The following MYO1E variants were observed in gnomAD, a reference collection of about 807,000 sequenced individuals.
MYO1E encodes the protein myosin IE, also known as unconventional myosin-Ie.
A neutral mutation model predicts 151.1 loss-of-function variants in MYO1E; 68 were observed. The ratio of observed to expected loss-of-function variants is 0.45; its 90% confidence interval spans 0.37 to 0.55. The LOEUF (loss-of-function observed/expected upper bound fraction) is 0.55. Ranked by LOEUF, MYO1E falls within the 20% of genes least tolerant of loss-of-function variation. MYO1E has a pLI of 0.00. For missense variants in MYO1E, 1,363 were observed against 1,389.3 expected (o/e 0.98, Z 0.30); for synonymous variants, 601 against 501.7 (o/e 1.20, Z -2.64).
rs1240628568 is a variant in MYO1E, at chr15:59,159,006, C to T, written c.2786-627G>A. Among the ~76,000 whole-genome samples the T allele has an allele frequency of 6.6e-6, 1 of 152,106 alleles. No individual in the cohort carries two copies. The highest frequency in any genetic ancestry group is 1.5e-5 in the Non-Finnish European group (1 of 68,030). On this transcript the variant is annotated intron_variant, in intron 24 of 27. Transcript: ENST00000288235. The surrounding 1 kb of genome is among the most constrained non-coding windows in gnomAD (Gnocchi z 4.4). Reference sequence around the variant, plus strand: ...GAGCCAGAGGAGATCTCTGCAGAGACATCTATGTGGGGAAGAAAAACAATA... The same window carrying T: ...GAGCCAGAGGAGATCTCTGCAGAGATATCTATGTGGGGAAGAAAAACAATA...
At position 59,210,583 on chromosome 15, in the gene MYO1E, C is replaced by G. The variant is rs764676427; in HGVS notation, c.1293G>C (p.Glu431Asp). The change falls in exon 13 of 28, where the codon GAG becomes GAC. Residue 431 changes from glutamate to aspartate, a missense_variant. Glu to Asp is a conservative substitution (Grantham distance 45). Coordinates refer to ENST00000288235, the MANE Select transcript of MYO1E (RefSeq NM_004998.4). ...LKAEQEEYVQ[E>D]GIRWTPIEYF... ...ACTCAATGGGTGTCCATCTTATTCC[C>G]TCTTGAACATATTCTTCCTGTAACA... 1.2e-6 allele frequency: 2 copies of G among 1,600,384 alleles called. No homozygotes were observed. The highest frequency in any genetic ancestry group is 1.3e-5 in the African/African-American group (1 of 74,644).
chr15:59,361,625 A>G (rs2080885842), intron 1 of MYO1E, among the ~76,000 whole-genome samples: 1 of 152,220 alleles, frequency 6.6e-6, no homozygotes, highest in Non-Finnish European at 1.5e-5. Flanking sequence ...AACTGAGAAA[A>G]GATGTTAAAA....
chr15:59,369,237 G>A (rs61004673), intron 1 of MYO1E, among the ~76,000 whole-genome samples: 1,610 of 152,256 alleles, frequency 0.011, 28 homozygotes, highest in African/African-American at 0.037. Context: ...ATCTATTCCT[G>A]GGTATTCTTA....
At chr15:59,323,611 G>A (rs916044541) in intron 1 of MYO1E, among the ~76,000 whole-genome samples, 3 of 151,560 alleles carry the variant, frequency 2.0e-5, no homozygotes, top group East Asian at 1.9e-4. Flanking sequence ...AGCCGAGATC[G>A]CACCACTGCA....
intron 1 of MYO1E, among the ~76,000 whole-genome samples, chr15:59,279,905 CT>C (rs1295765022): frequency 1.3e-5 from 2 of 152,122 alleles, no homozygotes; most frequent in Non-Finnish European, 2.9e-5. Context: ...TCTCAGTGTA[CT>C]TTCTGCACTG....
intron 2 of MYO1E, among the ~76,000 whole-genome samples, chr15:59,265,228 G>GAATGTGGTT (rs1555415347): frequency 5.3e-5 from 8 of 152,076 alleles, no homozygotes; most frequent in Non-Finnish European, 2.9e-5. Context: ...GTTGTAAAGG[G>GAATGTGGTT]AATGTGGTTA....
intron 2 of MYO1E, chr15:59,267,019 C>CTTTTTTTTTTTTTTTTTTTTTTATT (rs2080259450): frequency 2.1e-5 from 1 of 47,310 alleles, no homozygotes. Context: ...CTTTTAAAAT[C>CTTTTTTTTTTTTTTTTTTTTTTATT]TTTTTTTTTT....
chr15:59,312,513 G>GT (rs1374412418), intron 1 of MYO1E, among the ~76,000 whole-genome samples: 1 of 152,092 alleles, frequency 6.6e-6, no homozygotes, highest in Non-Finnish European at 1.5e-5. Context: ...ACCATTCTTT[G>GT]TTTTTTAAGA....
At chr15:59,288,375 C>A (rs893106521) in intron 1 of MYO1E, among the ~76,000 whole-genome samples, 1 of 152,096 alleles carries the variant, frequency 6.6e-6, no homozygotes, top group Non-Finnish European at 1.5e-5. Context: ...GGGGGTCTCA[C>A]TATGTTGCCC....
intron 1 of MYO1E, among the ~76,000 whole-genome samples, chr15:59,354,306 G>A (rs2080841661): frequency 6.6e-6 from 1 of 152,196 alleles, no homozygotes; most frequent in African/African-American, 2.4e-5. Context: ...TTGGCTTAAG[G>A]AAAAACAAAG....
intron 1 of MYO1E, among the ~76,000 whole-genome samples, chr15:59,369,579 G>A (rs191591344): frequency 4.6e-5 from 7 of 152,226 alleles, no homozygotes; most frequent in Admixed American, 3.3e-4. Flanking sequence ...TTTGTACTCT[G>A]CTAAACAACC....
chr15:59,164,890 G>A (rs140723110), intron 22 of MYO1E, among the ~76,000 whole-genome samples: 1 of 152,332 alleles, frequency 6.6e-6, no homozygotes, highest in Non-Finnish European at 1.5e-5. Context: ...ATTAAGAAGT[G>A]TGGCCTTAAG....
intron 6 of MYO1E, among the ~76,000 whole-genome samples, chr15:59,228,441 G>A (rs2080005248): frequency 6.6e-6 from 1 of 152,054 alleles, no homozygotes; most frequent in South Asian, 2.1e-4. Context: ...CTGAACTCCA[G>A]CCTGGGCCAG....
chr15:59,162,914 G>A (rs914132404), intron 23 of MYO1E, among the ~76,000 whole-genome samples: 5 of 152,048 alleles, frequency 3.3e-5, no homozygotes, highest in Non-Finnish European at 5.9e-5. Flanking sequence ...GGTGATTTTT[G>A]TCTAAATGAT....
chr15:59,332,616 C>T (rs2080704648), intron 1 of MYO1E, among the ~76,000 whole-genome samples: 1 of 152,176 alleles, frequency 6.6e-6, no homozygotes, highest in Non-Finnish European at 1.5e-5. Flanking sequence ...GTGTCTGATG[C>T]TACAGCCACA....
chr15:59,277,552 A>AC lies in MYO1E; in HGVS notation c.4-5104_4-5103insG, dbSNP rs373632903. On this transcript the variant is annotated intron_variant, in intron 1 of 27. Coordinates refer to ENST00000288235, the MANE Select transcript of MYO1E (RefSeq NM_004998.4). ...GAGCAAGACTCCATCCCCCCACAAA[A>AC]AAAAAAAAAAAAAAAAAAAAACATC... Among the ~76,000 whole-genome samples, 6 of 73,760 alleles carry AC rather than the reference A, an allele frequency of 8.1e-5. 1 individual carries two copies. The highest frequency in any genetic ancestry group is 2.7e-4 in the Admixed American group (2 of 7,316). The allele number at this position is 73,760 out of a possible 152,430, so 48.4% of individuals were successfully genotyped here.
intron 1 of MYO1E, among the ~76,000 whole-genome samples, chr15:59,370,221 G>A (rs759307625): frequency 2.0e-5 from 3 of 152,214 alleles, no homozygotes; most frequent in Non-Finnish European, 2.9e-5. Flanking sequence ...TACAACTTGG[G>A]CAGGCCTGGG....
At chr15:59,202,082 A>C (rs1425042604) in intron 16 of MYO1E, among the ~76,000 whole-genome samples, 5 of 152,198 alleles carry the variant, frequency 3.3e-5, no homozygotes, top group African/African-American at 1.2e-4. Flanking sequence ...AAAGTAGCTG[A>C]TTATCATCTG....
intron 5 of MYO1E, 86 bp from the exon 6 acceptor site, chr15:59,231,877 C>T (rs1002081504): frequency 7.0e-7 from 1 of 1,433,800 alleles, no homozygotes; most frequent in Non-Finnish European, 9.8e-7. Context: ...GACCTGGTTT[C>T]TGAATGCATT....
Sources: gnomAD v4.1 joint callset for allele counts (sites outside exome capture counted in the v4.1 genomes callset) on GRCh38, gnomAD v4.1.1 for gene constraint, Gnocchi (gnomAD v3.1) non-coding constraint, MANE v1.5 for transcripts, NCBI Gene and HGNC (gene_info 2026-07-23, HGNC 2026-07-21) for gene names.